Variants in PACSIN2 observed in about 807,000 individuals in gnomAD.
PACSIN2 encodes the protein protein kinase C and casein kinase substrate in neurons protein 2.
In PACSIN2, 25 loss-of-function variants were observed where a neutral mutation model predicts 63.8. The observed-to-expected ratio is 0.39, with a 90% CI of 0.29 to 0.55. PACSIN2 has a LOEUF of 0.55. PACSIN2 is among the 20% of genes least tolerant of loss of function. The probability of loss-of-function intolerance (pLI) is 0.62; values close to 1 mark genes in which losing one functional copy is unlikely to be tolerated. For missense variants in PACSIN2, 518 were observed against 646.9 expected, an observed-to-expected ratio of 0.80 and a Z score of 2.16; for synonymous variants, 255 against 256.2, an observed-to-expected ratio of 1.00 and a Z score of 0.05.
intron 1 of PACSIN2, among the ~76,000 whole-genome samples, chr22:42,970,333 TCTAATACTA>T (rs1445248496): frequency 3.3e-5 from 5 of 152,116 alleles, no homozygotes; most frequent in African/African-American, 1.2e-4. Context: ...CATCCACCAA[TCTAATACTA>T]GGAAAAATCA....
intron 2 of PACSIN2, among the ~76,000 whole-genome samples, chr22:42,897,723 A>C (rs1930388287): frequency 6.6e-6 from 1 of 152,236 alleles, no homozygotes; most frequent in Non-Finnish European, 1.5e-5. Flanking sequence ...GGCACAGGGC[A>C]CTGGAACTGG....
intron 1 of PACSIN2, among the ~76,000 whole-genome samples, chr22:42,992,398 C>G (rs1461848067): frequency 6.6e-6 from 1 of 152,142 alleles, no homozygotes; most frequent in Non-Finnish European, 1.5e-5. Flanking sequence ...AGCCTAACCA[C>G]CTAAACCACC....
intron 3 of PACSIN2, among the ~76,000 whole-genome samples, chr22:42,892,637 C>T (rs1929994492): frequency 6.6e-6 from 1 of 152,200 alleles, no homozygotes; most frequent in African/African-American, 2.4e-5. Context: ...TGCTCCACAG[C>T]CTGGGCACAT....
At chr22:43,002,692 G>A (rs552127561) in intron 1 of PACSIN2, among the ~76,000 whole-genome samples, 1 of 151,800 alleles carries the variant, frequency 6.6e-6, no homozygotes, top group African/African-American at 2.4e-5. Flanking sequence ...TTCTATTCTC[G>A]GGAATTTATC....
chr22:42,877,083 G>C, intron 8 of PACSIN2, 73 bp from the exon 9 acceptor site: 1 of 1,538,258 alleles, frequency 6.5e-7, no homozygotes, highest in Non-Finnish European at 9.0e-7. Flanking sequence ...ACTCCTAGCT[G>C]CAGGATCTCA....
intron 2 of PACSIN2, among the ~76,000 whole-genome samples, chr22:42,900,827 T>A (rs1930633716): frequency 6.6e-6 from 1 of 152,172 alleles, no homozygotes; most frequent in South Asian, 2.1e-4. Flanking sequence ...ATGCAGTCAC[T>A]CATGGTCATG....
chr22:42,907,742 GGCTCTA>G (rs1206410003), intron 2 of PACSIN2, among the ~76,000 whole-genome samples: 1 of 152,290 alleles, frequency 6.6e-6, no homozygotes, highest in Non-Finnish European at 1.5e-5. Flanking sequence ...ATACAACGCT[GGCTCTA>G]GGAGGCCCGA....
chr22:42,995,413 G>A (rs924431928), intron 1 of PACSIN2, among the ~76,000 whole-genome samples: 1 of 152,138 alleles, frequency 6.6e-6, no homozygotes, highest in South Asian at 2.1e-4. Flanking sequence ...GACTGAGTCA[G>A]GATGACAAAT....
intron 1 of PACSIN2, among the ~76,000 whole-genome samples, chr22:42,984,734 C>G (rs1267469611): frequency 1.3e-5 from 2 of 152,144 alleles, no homozygotes; most frequent in African/African-American, 4.8e-5. Context: ...AGAGCTGTGG[C>G]CTTTGACACT....
At chr22:42,975,501 T>A (rs926353) in intron 1 of PACSIN2, among the ~76,000 whole-genome samples, 88,141 of 147,088 alleles carry the variant, frequency 0.6, 27,040 homozygotes, top group East Asian at 0.78. Context: ...ATTATCCAGC[T>A]GTAAAAATGA....
chr22:43,010,652 G>C (rs1010468988), intron 1 of PACSIN2, among the ~76,000 whole-genome samples: 4 of 152,124 alleles, frequency 2.6e-5, no homozygotes, highest in Non-Finnish European at 5.9e-5. Context: ...GCAGCCTGCA[G>C]TGAGCCAAGA....
chr22:42,871,351 G>A lies in PACSIN2; in HGVS notation c.*6C>T, dbSNP rs372918628. 53 of 1,598,554 alleles carry A rather than the reference G, an allele frequency of 3.3e-5. No individual in the cohort carries two copies. The highest frequency in any genetic ancestry group is 2.7e-5 in the African/African-American group (2 of 74,622). On this transcript the variant is annotated 3_prime_UTR_variant, in exon 11 of 11. Coordinates refer to ENST00000263246, the MANE Select transcript of PACSIN2 (RefSeq NM_001184970.3). The surrounding 1 kb of genome is among the most constrained non-coding windows in gnomAD (Gnocchi z 5.4). ...TCCGTCCCCCCGCTGGCCTGTCCCC[G>A]ACTCATCACTGGATCGCCTCCACAT... is the stretch of plus-strand genomic sequence containing the variant.
chr22:43,004,283 T>C (rs1056323623), intron 1 of PACSIN2, among the ~76,000 whole-genome samples: 2 of 152,126 alleles, frequency 1.3e-5, no homozygotes, highest in Admixed American at 1.3e-4. Flanking sequence ...TGGGCAGGAA[T>C]GTAAAGCTTC....
At chr22:42,897,863 G>T (rs1305824273) in intron 2 of PACSIN2, among the ~76,000 whole-genome samples, 2 of 152,212 alleles carry the variant, frequency 1.3e-5, no homozygotes, top group Non-Finnish European at 2.9e-5. Context: ...GAACAGCACT[G>T]GCAAAAGGAA....
intron 1 of PACSIN2, among the ~76,000 whole-genome samples, chr22:42,991,752 TC>T (rs1478321894): frequency 6.9e-6 from 1 of 144,428 alleles, no homozygotes; most frequent in Admixed American, 7.0e-5. Context: ...TTAGAAATTT[TC>T]CCCCAAAATT....
At chr22:42,972,216 G>A (rs920799441) in intron 1 of PACSIN2, among the ~76,000 whole-genome samples, 4 of 152,206 alleles carry the variant, frequency 2.6e-5, no homozygotes, top group Non-Finnish European at 1.5e-5. Context: ...CCCCAATCCC[G>A]TGCTCTCTGA....
intron 5 of PACSIN2, 46 bp from the exon 6 acceptor site, chr22:42,884,607 C>T (rs771508638): frequency 1.3e-6 from 2 of 1,547,838 alleles, no homozygotes; most frequent in Admixed American, 1.8e-5. Flanking sequence ...TTCCATTTAG[C>T]CCTTGGCTCA....
intron 1 of PACSIN2, among the ~76,000 whole-genome samples, chr22:42,943,149 T>C (rs1037030329): frequency 1.3e-5 from 2 of 152,268 alleles, no homozygotes; most frequent in African/African-American, 4.8e-5. Flanking sequence ...CTTTATATAC[T>C]ATAATAAATG....
chr22:42,911,915 G>C, intron 2 of PACSIN2, 106 bp downstream of exon 2: 1 of 759,176 alleles, frequency 1.3e-6, no homozygotes, highest in Non-Finnish European at 2.2e-6. Flanking sequence ...GGCTGGTTTG[G>C]GGGTATGTTC....
Sources: gnomAD v4.1 joint callset for allele counts (sites outside exome capture counted in the v4.1 genomes callset) on GRCh38, gnomAD v4.1.1 for gene constraint, Gnocchi (gnomAD v3.1) non-coding constraint, MANE v1.5 for transcripts, NCBI Gene and HGNC (gene_info 2026-07-23, HGNC 2026-07-21) for gene names.